The following NUTM2E variants were observed in gnomAD, a reference collection of about 807,000 sequenced individuals.
The protein encoded by NUTM2E is family with sequence similarity 22, member E.
NUTM2E carries 3 observed loss-of-function variants against 26.1 expected under a neutral mutation model. The observed-to-expected ratio is 0.12, with a 90% CI of 0.05 to 0.30. The LOEUF is 0.30. Among genes scored for constraint, NUTM2E ranks in the 10% least tolerant of loss-of-function variants. NUTM2E has a pLI of 1.00. For missense variants in NUTM2E, 62 were observed against 381.3 expected (o/e 0.16, Z 6.97); for synonymous variants, 13 against 157.5 (o/e 0.08, Z 6.87).
intron 1 of NUTM2E, among the ~76,000 whole-genome samples, chr10:79,830,707 C>CA (rs937646162): frequency 1.3e-5 from 2 of 150,988 alleles, no homozygotes; most frequent in South Asian, 2.1e-4. Context: ...TAGCAAAATA[C>CA]AAAAAAAAGA....
rs1478132975 is a variant in NUTM2E, at chr10:79,826,796, C to G, written c.-3289C>G. On this transcript the variant is annotated 5_prime_UTR_variant, in exon 1 of 10. Transcript: ENST00000429984. Reference sequence around the variant, plus strand: ...CTAGCCGAGTAGGGCGCCCGGCTGTCAAACTGGCCGGCGCAGTGCACGCTG... The same window carrying G: ...CTAGCCGAGTAGGGCGCCCGGCTGTGAAACTGGCCGGCGCAGTGCACGCTG... The G allele has an allele frequency of 1.3e-5, 2 of 152,028 alleles. No individual in the cohort carries two copies. Among genetic ancestry groups the G allele is most frequent in the Non-Finnish European group, 2.9e-5 (2 of 68,232 alleles). 9.4% of individuals were successfully genotyped at this position (152,028 alleles called of 1,614,324 possible). A position where few individuals can be genotyped will look rare whatever the true frequency, so the allele number is the denominator to read the frequency against.
At position 79,826,866 on chromosome 10, in the gene NUTM2E, C is replaced by CGGGCCTCGGGAGTCGTAGTCCG; in HGVS notation, c.-3217_-3216insGCCTCGGGAGTCGTAGTCCGGG. 6.6e-6 allele frequency: 1 copy of CGGGCCTCGGGAGTCGTAGTCCG among 151,108 alleles called. No individual in the cohort carries two copies. The highest frequency in any genetic ancestry group is 2.0e-4 in the East Asian group (1 of 5,084). The allele number at this position is 151,108 out of a possible 1,614,324, so 9.4% of individuals were successfully genotyped here. On this transcript the variant is annotated 5_prime_UTR_variant, in exon 1 of 10. Transcript: ENST00000429984. Reference sequence around the variant, plus strand: ...CAGAGCCCGTCGGGAGTCGTAGTCCCGGACGGGCCCGCGGCATCGTCCGCG... The same window carrying CGGGCCTCGGGAGTCGTAGTCCG: ...CAGAGCCCGTCGGGAGTCGTAGTCCCGGGCCTCGGGAGTCGTAGTCCGGGACGGGCCCGCGGCATCGTCCGCG...
intron 3 of NUTM2E, among the ~76,000 whole-genome samples, chr10:79,839,378 C>G (rs1841985096): frequency 6.6e-6 from 1 of 150,900 alleles, no homozygotes; most frequent in South Asian, 2.1e-4. Context: ...CTTCTGACTC[C>G]ATTCCCAGAG....
chr10:79,832,019 GA>G (rs1841930423), intron 1 of NUTM2E, among the ~76,000 whole-genome samples: 2 of 6,108 alleles, frequency 3.3e-4, no homozygotes, highest in African/African-American at 6.2e-4. Flanking sequence ...GGCAGAGACT[GA>G]GAGAGAGAAA....
intron 1 of NUTM2E, among the ~76,000 whole-genome samples, chr10:79,831,521 A>G (rs918842703): frequency 6.6e-6 from 1 of 151,566 alleles, no homozygotes; most frequent in Non-Finnish European, 1.5e-5. Flanking sequence ...ATCATTTGAT[A>G]TGACTTGTAA....
intron 1 of NUTM2E, among the ~76,000 whole-genome samples, chr10:79,834,455 C>T (rs1424142916): frequency 6.6e-6 from 1 of 151,602 alleles, no homozygotes; most frequent in Non-Finnish European, 1.5e-5. Flanking sequence ...AATCCAAGCA[C>T]TTTGGGAGCC....
intron 1 of NUTM2E, among the ~76,000 whole-genome samples, chr10:79,831,271 C>T (rs1292375052): frequency 3.3e-5 from 5 of 151,548 alleles, no homozygotes; most frequent in Admixed American, 2.0e-4. Flanking sequence ...TAATCAGTTA[C>T]TCTGACTCAG....
chr10:79,827,240 G>A lies in NUTM2E; in HGVS notation c.-2845G>A, dbSNP rs1481621479. On this transcript the variant is annotated 5_prime_UTR_variant, in exon 1 of 10. Transcript: ENST00000429984. ...GAGCCCCCAGCTAGAGTTGGCTTCA[G>A]CGGAATACCTACTGTGCGGGATTAT... 2.6e-5 allele frequency: 4 copies of A among 152,606 alleles called. No homozygotes were observed. Among genetic ancestry groups the A allele is most frequent in the Middle Eastern group, 3.2e-3 (1 of 308 alleles). The allele number at this position is 152,606 out of a possible 1,614,324, so 9.5% of individuals were successfully genotyped here.
At chr10:79,831,330 T>A (rs1447380217) in intron 1 of NUTM2E, among the ~76,000 whole-genome samples, 4 of 151,352 alleles carry the variant, frequency 2.6e-5, no homozygotes, top group Admixed American at 2.0e-4. Context: ...CATTATATAC[T>A]TAAAATACTT....
intron 1 of NUTM2E, among the ~76,000 whole-genome samples, chr10:79,827,762 A>C (rs1236911749): frequency 6.7e-6 from 1 of 148,476 alleles, no homozygotes; most frequent in African/African-American, 2.5e-5. Context: ...ACACTCTCCC[A>C]TACTAAATGA....
chr10:79,828,357 G>A (rs1841903217), intron 1 of NUTM2E, among the ~76,000 whole-genome samples: 1 of 151,806 alleles, frequency 6.6e-6, no homozygotes, highest in South Asian at 2.1e-4. Flanking sequence ...GCTTTTAACT[G>A]AAAGTCTTCT....
intron 1 of NUTM2E, among the ~76,000 whole-genome samples, chr10:79,832,202 T>G (rs1841931666): frequency 2.6e-5 from 4 of 151,842 alleles, no homozygotes; most frequent in Admixed American, 2.6e-4. Flanking sequence ...AATATTACTC[T>G]TACACAACCA....
At chr10:79,846,387 G>C (rs1253958832) in intron 5 of NUTM2E, among the ~76,000 whole-genome samples, 1 of 17,022 alleles carries the variant, frequency 5.9e-5, no homozygotes, top group African/African-American at 3.1e-4. Context: ...CTCCTGGCTG[G>C]AGAGAGCTGT....
chr10:79,837,815 A>C (rs556207681), intron 1 of NUTM2E, among the ~76,000 whole-genome samples: 27 of 152,102 alleles, frequency 1.8e-4, no homozygotes, highest in African/African-American at 6.5e-4. Context: ...TGTGCCAGAT[A>C]TTAAGCAATT....
Position 79,840,749 on chromosome 10 carries a change from C to T in NUTM2E, c.-992C>T, listed in dbSNP as rs1841994037. On this transcript the variant is annotated 5_prime_UTR_variant, in exon 4 of 10. It introduces an in-frame stop codon into an upstream open reading frame of the 5' UTR. Coordinates refer to ENST00000429984, the MANE Select transcript of NUTM2E (RefSeq NM_001355263.2). Reference sequence around the variant, plus strand: ...CAGGGTGTGTTTCAGTGAATGTTTGCAGTGTGCACCGGTCTGGCTGAAGGC... The same window carrying T: ...CAGGGTGTGTTTCAGTGAATGTTTGTAGTGTGCACCGGTCTGGCTGAAGGC... Among the ~76,000 whole-genome samples, 1 of 147,108 alleles carries T rather than the reference C, an allele frequency of 6.8e-6. No homozygotes were observed. Among genetic ancestry groups the T allele is most frequent in the African/African-American group, 2.5e-5 (1 of 39,708 alleles).
rs1841932451 is a variant in NUTM2E, at chr10:79,832,330, G to GT, written c.-2728+4976dup. ...TGTGTGTGTGCATGTGTGTGTGTAT[G>GT]TTTATCGTGGGGAAGAAGTTTGTGA... On this transcript the variant is annotated intron_variant, in intron 1 of 9. Transcript: ENST00000429984. Among the ~76,000 whole-genome samples, 5 of 151,740 alleles carry GT rather than the reference G, an allele frequency of 3.3e-5. 2 individuals are homozygous for GT. In the South Asian group the frequency reaches 1.0e-3, roughly 32 times the overall value.
At chr10:79,836,997 G>GAAA (rs1298413227) in intron 1 of NUTM2E, among the ~76,000 whole-genome samples, 3 of 151,426 alleles carry the variant, frequency 2.0e-5, no homozygotes, top group African/African-American at 4.9e-5. Flanking sequence ...TTAGAAGGAA[G>GAAA]AGAAAAAAAA....
rs1327212580 is a variant in NUTM2E at position 79,848,529 on chromosome 10, G to C, written c.1368G>C (p.Lys456Asn). Residue 456 changes from lysine (K) to asparagine (N), a missense_variant, in exon 8 of 10, where the codon AAG becomes AAC. Physicochemically the swap from Lys to Asn is moderately conservative, Grantham distance 94 (BLOSUM62 0). Coordinates refer to ENST00000429984, the MANE Select transcript of NUTM2E (RefSeq NM_001355263.2). ...CTGCCTCAGTGTACCTTCCCAGCAAGGCCGGCCCCAAGGCCCAGACTGCCT... is the reference window on the plus strand; with the variant it reads ...CTGCCTCAGTGTACCTTCCCAGCAACGCCGGCCCCAAGGCCCAGACTGCCT... ...VVKQPVYLPSKAGPKAQTACL... is the reference protein window; with the variant it reads ...VVKQPVYLPSNAGPKAQTACL... The C allele has an allele frequency of 5.6e-6, 3 of 537,296 alleles. No individual in the cohort carries two copies. 33.3% of individuals were successfully genotyped at this position (537,296 alleles called of 1,614,324 possible). A position where few individuals can be genotyped will look rare whatever the true frequency, so the allele number is the denominator to read the frequency against.
At chr10:79,833,769 T>C (rs1333299778) in intron 1 of NUTM2E, among the ~76,000 whole-genome samples, 1 of 151,824 alleles carries the variant, frequency 6.6e-6, no homozygotes, top group Non-Finnish European at 1.5e-5. Context: ...GGTGGGAGTG[T>C]AAATTAGTTC....
Sources: gnomAD v4.1 joint callset for allele counts (sites outside exome capture counted in the v4.1 genomes callset) on GRCh38, gnomAD v4.1.1 for gene constraint, MANE v1.5 for transcripts, NCBI Gene and HGNC (gene_info 2026-07-23, HGNC 2026-07-21) for gene names.